Variants in LIN28B observed in about 807,000 individuals in gnomAD.
LIN28B encodes lin-28 RNA binding posttranscriptional regulator B, also known as protein lin-28 homolog B.
A neutral mutation model predicts 21.9 loss-of-function variants in LIN28B; 5 were observed. The ratio of observed to expected loss-of-function variants is 0.23; its 90% CI spans 0.12 to 0.48. The LOEUF (loss-of-function observed/expected upper bound fraction) is 0.48. Among genes scored for constraint, LIN28B ranks in the 20% least tolerant of loss-of-function variants. The pLI is 0.98. For missense variants in LIN28B, 245 were observed against 310.5 expected (o/e 0.79, Z 1.58); for synonymous variants, 109 against 111.3 (o/e 0.98, Z 0.13).
intron 2 of LIN28B, among the ~76,000 whole-genome samples, chr6:105,024,042 A>T (rs1022903335): frequency 2.6e-5 from 4 of 151,756 alleles, no homozygotes; most frequent in African/African-American, 9.7e-5. Context: ...GAGTGCAGTG[A>T]CACGATCTCG....
At chr6:105,070,003 C>T (rs542135490) in intron 3 of LIN28B, among the ~76,000 whole-genome samples, 23 of 152,154 alleles carry the variant, frequency 1.5e-4, no homozygotes, top group Non-Finnish European at 3.2e-4. Context: ...TTCCACCCCT[C>T]CCCTCTTCCT....
At chr6:105,047,041 G>T (rs1582917002) in intron 3 of LIN28B, among the ~76,000 whole-genome samples, 1 of 152,106 alleles carries the variant, frequency 6.6e-6, no homozygotes, top group Non-Finnish European at 1.5e-5. Flanking sequence ...ATTTGTCAAT[G>T]TTGGCTTTCG....
chr6:105,045,328 C>T (rs1466953531), intron 3 of LIN28B, among the ~76,000 whole-genome samples: 1 of 146,450 alleles, frequency 6.8e-6, no homozygotes, highest in African/African-American at 2.6e-5. Flanking sequence ...CTCTTGTCAC[C>T]CAGACTGGAG....
At chr6:104,938,555 C>T (rs1001390945) in intron 2 of LIN28B, among the ~76,000 whole-genome samples, 2 of 151,830 alleles carry the variant, frequency 1.3e-5, no homozygotes, top group African/African-American at 2.4e-5. Context: ...ACGAGAATCC[C>T]GTGAACCCAG....
At chr6:105,051,069 G>T (rs1771891707) in intron 3 of LIN28B, among the ~76,000 whole-genome samples, 1 of 151,190 alleles carries the variant, frequency 6.6e-6, no homozygotes, top group Non-Finnish European at 1.5e-5. Flanking sequence ...AGAAAGAAAA[G>T]AAATGGTATA....
intron 2 of LIN28B, among the ~76,000 whole-genome samples, chr6:104,993,898 A>G (rs541706364): frequency 1.3e-5 from 2 of 152,252 alleles, no homozygotes; most frequent in Admixed American, 6.5e-5. Context: ...AATAATTCCA[A>G]AAGCAATAAA....
chr6:104,979,986 A>G (rs988938894), intron 2 of LIN28B, among the ~76,000 whole-genome samples: 5 of 152,170 alleles, frequency 3.3e-5, no homozygotes, highest in African/African-American at 4.8e-5. Flanking sequence ...AATTATAGCA[A>G]TATGTCTTTA....
At chr6:105,027,279 A>G (rs1771305275) in intron 3 of LIN28B, among the ~76,000 whole-genome samples, 1 of 152,168 alleles carries the variant, frequency 6.6e-6, no homozygotes, top group Non-Finnish European at 1.5e-5. Context: ...GCCAGTATGT[A>G]ACACCTCTGA....
At chr6:105,043,691 C>G (rs1348265505) in intron 3 of LIN28B, among the ~76,000 whole-genome samples, 1 of 151,780 alleles carries the variant, frequency 6.6e-6, no homozygotes, top group Non-Finnish European at 1.5e-5. Context: ...AAGCAATTCT[C>G]CTGCCTGAGC....
intron 2 of LIN28B, among the ~76,000 whole-genome samples, chr6:105,017,489 C>T (rs1440996791): frequency 1.3e-5 from 2 of 152,126 alleles, no homozygotes; most frequent in African/African-American, 2.4e-5. Context: ...AGGCATTGTA[C>T]ATTTATTTGG....
At chr6:105,022,609 CTCAGAG>C (rs1458130824) in intron 2 of LIN28B, among the ~76,000 whole-genome samples, 1 of 152,058 alleles carries the variant, frequency 6.6e-6, no homozygotes, top group African/African-American at 2.4e-5. Flanking sequence ...GTCTTACTGA[CTCAGAG>C]TCAAACAAGG....
chr6:105,042,274 G>A (rs1271906054), intron 3 of LIN28B, among the ~76,000 whole-genome samples: 1 of 152,208 alleles, frequency 6.6e-6, no homozygotes, highest in Non-Finnish European at 1.5e-5. Flanking sequence ...GGATTACAGA[G>A]TAGCCAGTCT....
At position 104,993,921 on chromosome 6, in the gene LIN28B, G is replaced by A. The variant is rs1770546234; in HGVS notation, c.199-32377G>A. ...CAAAAGCAATAAACCAATCATCTTA[G>A]AAAGTTACTTTTTCTTAAATAGTAT... On this transcript the variant is annotated intron_variant, in intron 2 of 3. Coordinates refer to ENST00000345080, the MANE Select transcript of LIN28B (RefSeq NM_001004317.4). 2.0e-5 allele frequency among the ~76,000 whole-genome samples: 3 copies of A among 151,536 alleles called. No homozygotes were observed. In the South Asian group the frequency reaches 6.2e-4, roughly 32 times the overall value.
At chr6:105,047,630 T>A (rs1378877584) in intron 3 of LIN28B, among the ~76,000 whole-genome samples, 1 of 152,234 alleles carries the variant, frequency 6.6e-6, no homozygotes, top group Non-Finnish European at 1.5e-5. Flanking sequence ...TTTCACGATA[T>A]TGATTCTTCC....
chr6:104,984,249 C>T (rs1770286361), intron 2 of LIN28B, among the ~76,000 whole-genome samples: 2 of 152,126 alleles, frequency 1.3e-5, no homozygotes, highest in Non-Finnish European at 2.9e-5. Context: ...TTAGCTTTTT[C>T]TCCAGAGGAA....
intron 3 of LIN28B, among the ~76,000 whole-genome samples, chr6:105,062,928 T>G (rs1017742252): frequency 6.6e-6 from 1 of 152,162 alleles, no homozygotes; most frequent in African/African-American, 2.4e-5. Context: ...ATTTGTCCAC[T>G]TATGAGCCAT....
chr6:105,026,231 A>G, intron 2 of LIN28B, 67 bp from the exon 3 acceptor site: 1 of 817,268 alleles, frequency 1.2e-6, no homozygotes, highest in South Asian at 2.8e-5. Context: ...AATTATAGAG[A>G]TAATTTATAA....
chr6:105,064,729 C>T (rs1400670246), intron 3 of LIN28B, among the ~76,000 whole-genome samples: 1 of 152,062 alleles, frequency 6.6e-6, no homozygotes, highest in Non-Finnish European at 1.5e-5. Flanking sequence ...TTTACCACAC[C>T]AGTCAGGGTA....
rs1414968518 is a variant in LIN28B, at chr6:104,939,062, AAC to A, written c.18+1948_18+1949del. On this transcript the variant is annotated intron_variant, in intron 2 of 5. Coordinates refer to the LIN28B transcript ENST00000635857. The stretch of plus-strand genomic sequence containing the variant: ...ACCTAGAAACATAGCTATTAAAAAA[AAC>A]AGTTCATTCTGTAAGTGCATTTGTA... Among the ~76,000 whole-genome samples, 3 of 152,236 alleles carry A rather than the reference AAC, an allele frequency of 2.0e-5. No homozygotes were observed. The East Asian group carries it at 5.8e-4, about 29-fold the overall frequency.
Sources: allele counts gnomAD v4.1 joint callset (sites outside exome capture counted in the v4.1 genomes callset), GRCh38; gene constraint gnomAD v4.1.1; transcripts MANE v1.5; gene names NCBI Gene and HGNC (gene_info 2026-07-23, HGNC 2026-07-21).